Variants in SYT2 observed in about 807,000 individuals in gnomAD.
SYT2 encodes synaptotagmin-2.
In SYT2, 15 loss-of-function variants were observed where a neutral mutation model predicts 39.9. The observed-to-expected ratio is 0.38, with a 90% CI of 0.25 to 0.58. SYT2 has a LOEUF of 0.58. Among genes scored for constraint, SYT2 ranks in the 20% least tolerant of loss-of-function variants. The probability of loss-of-function intolerance (pLI) is 0.70; values close to 1 mark genes in which losing one functional copy is unlikely to be tolerated. For missense variants in SYT2, 389 were observed against 530.3 expected (o/e 0.73, Z 2.62); for synonymous variants, 181 against 204.5 (o/e 0.89, Z 0.98).
At chr1:202,642,710 C>A (rs1022675495) in intron 1 of SYT2, among the ~76,000 whole-genome samples, 1 of 152,230 alleles carries the variant, frequency 6.6e-6, no homozygotes, top group Non-Finnish European at 1.5e-5. Flanking sequence ...CCCGTGCCTC[C>A]GGCACACCCC....
chr1:202,661,890 A>G (rs1692389505), intron 1 of SYT2, among the ~76,000 whole-genome samples: 1 of 152,202 alleles, frequency 6.6e-6, no homozygotes, highest in Admixed American at 6.5e-5. Context: ...TTACCCATTC[A>G]TTAGTTCACT....
chr1:202,609,870 T>C (rs1404717694), intron 1 of SYT2, among the ~76,000 whole-genome samples: 1 of 152,232 alleles, frequency 6.6e-6, no homozygotes, highest in Non-Finnish European at 1.5e-5. Context: ...TCTTTTGCTC[T>C]GCAGAAGCTC....
At chr1:202,688,118 C>T (rs923021752) in intron 1 of SYT2, among the ~76,000 whole-genome samples, 16 of 152,154 alleles carry the variant, frequency 1.1e-4, no homozygotes, top group Non-Finnish European at 2.2e-4. Flanking sequence ...ACTGACACCC[C>T]CCCATACCCA....
intron 1 of SYT2, among the ~76,000 whole-genome samples, chr1:202,709,402 G>A (rs956732490): frequency 6.6e-6 from 1 of 152,244 alleles, no homozygotes; most frequent in East Asian, 1.9e-4. Flanking sequence ...GGCTTAGTGG[G>A]ATGTGAAACG....
intron 2 of SYT2, 67 bp from the exon 3 acceptor site, chr1:202,604,688 T>C: frequency 6.7e-7 from 1 of 1,485,872 alleles, no homozygotes; most frequent in Non-Finnish European, 9.1e-7. Flanking sequence ...CCCGTAGCAT[T>C]GGGAAAAATG....
intron 1 of SYT2, among the ~76,000 whole-genome samples, chr1:202,619,181 G>A (rs1411823630): frequency 2.0e-5 from 3 of 152,164 alleles, no homozygotes; most frequent in Admixed American, 1.3e-4. Flanking sequence ...CAGCTGCCTC[G>A]CCTCCCGCAT....
intron 1 of SYT2, among the ~76,000 whole-genome samples, chr1:202,673,193 T>C (rs900716152): frequency 6.6e-6 from 1 of 150,604 alleles, no homozygotes; most frequent in Admixed American, 6.6e-5. Flanking sequence ...TTGGGTTTAC[T>C]GAACATTTTA....
intron 1 of SYT2, chr1:202,639,451 T>G: frequency 6.2e-6 from 6 of 973,788 alleles, no homozygotes; most frequent in Non-Finnish European, 7.3e-6. Flanking sequence ...AGCCTCAGTT[T>G]CCCCATAATC....
chr1:202,687,215 T>C (rs966051153), intron 1 of SYT2, among the ~76,000 whole-genome samples: 4 of 152,200 alleles, frequency 2.6e-5, no homozygotes, highest in African/African-American at 7.2e-5. Flanking sequence ...CCAGTTCAAG[T>C]GCCCTCCCCT....
intron 1 of SYT2, among the ~76,000 whole-genome samples, chr1:202,699,292 G>C (rs916705676): frequency 6.6e-6 from 1 of 152,120 alleles, no homozygotes; most frequent in Non-Finnish European, 1.5e-5. Context: ...AGAGTGCTGG[G>C]ATTACAGGTG....
chr1:202,669,523 G>C (rs1420300699), intron 1 of SYT2, among the ~76,000 whole-genome samples: 1 of 151,216 alleles, frequency 6.6e-6, no homozygotes, highest in Non-Finnish European at 1.5e-5. Context: ...AACCTGGGAG[G>C]GGGAGGTTGC....
chr1:202,624,820 T>A (rs934018146), intron 1 of SYT2, among the ~76,000 whole-genome samples: 1,281 of 135,438 alleles, frequency 9.5e-3, no homozygotes, highest in African/African-American at 0.019. Flanking sequence ...GTGTGTGTGG[T>A]GTCTGGTCTG....
At chr1:202,681,610 G>A (rs183049559) in intron 1 of SYT2, among the ~76,000 whole-genome samples, 3 of 152,336 alleles carry the variant, frequency 2.0e-5, no homozygotes, top group East Asian at 3.9e-4. Flanking sequence ...ATTCAAAAAG[G>A]AACAGAGAGC....
intron 1 of SYT2, among the ~76,000 whole-genome samples, chr1:202,622,009 C>G (rs1189234657): frequency 1.3e-5 from 2 of 152,236 alleles, no homozygotes; most frequent in African/African-American, 4.8e-5. Flanking sequence ...CTAGGCACTT[C>G]TGTGGATTAT....
chr1:202,597,086 T>G, intron 8 of SYT2, 123 bp from the exon 9 acceptor site: 1 of 781,176 alleles, frequency 1.3e-6, no homozygotes, highest in Non-Finnish European at 2.1e-6. Flanking sequence ...GCTCCTTGGT[T>G]TCATCTCTGC....
intron 1 of SYT2, among the ~76,000 whole-genome samples, chr1:202,656,038 G>A (rs1275725160): frequency 6.6e-6 from 1 of 152,224 alleles, no homozygotes; most frequent in East Asian, 1.9e-4. Context: ...ATTGTGTGCA[G>A]AGAGGAGTGG....
intron 1 of SYT2, among the ~76,000 whole-genome samples, chr1:202,704,681 C>CAGGT (rs1654205098): frequency 6.6e-6 from 1 of 152,212 alleles, no homozygotes; most frequent in Non-Finnish European, 1.5e-5. Flanking sequence ...TATGCACACA[C>CAGGT]ACACGGCTGC....
At chr1:202,600,047 C>T (rs1690444194) in intron 7 of SYT2, among the ~76,000 whole-genome samples, 1 of 152,248 alleles carries the variant, frequency 6.6e-6, no homozygotes, top group African/African-American at 2.4e-5. Flanking sequence ...TTGGGCTAAG[C>T]CCTGCTCATT....
chr1:202,621,377 C>A (rs979939747), intron 1 of SYT2, among the ~76,000 whole-genome samples: 1 of 152,206 alleles, frequency 6.6e-6, no homozygotes, highest in East Asian at 1.9e-4. Flanking sequence ...CTCACTGCAG[C>A]CTTCAAACTC....
Sources: gnomAD v4.1 joint callset for allele counts (sites outside exome capture counted in the v4.1 genomes callset) on GRCh38, gnomAD v4.1.1 for gene constraint, MANE v1.5 for transcripts, NCBI Gene and HGNC (gene_info 2026-07-23, HGNC 2026-07-21) for gene names.